MAF: variants seen among roughly 807,000 people sequenced by gnomAD.
MAF encodes transcription factor Maf.
In MAF, 10 loss-of-function variants were observed where a neutral mutation model predicts 22.0. That is an observed-to-expected ratio of 0.45 (90% confidence interval 0.28 to 0.77). MAF has a LOEUF of 0.77. Among genes scored for constraint, MAF ranks in the 30% least tolerant of loss-of-function variants. MAF has a pLI of 0.12. For synonymous variants in MAF, 337 were observed against 255.8 expected, an observed-to-expected ratio of 1.32 and a Z score of -3.03; for missense variants, 544 against 548.4, an observed-to-expected ratio of 0.99 and a Z score of 0.08.
the MAF span, among the ~76,000 whole-genome samples, chr16:79,402,044 A>T: frequency 1.3e-5 from 2 of 152,214 alleles, no homozygotes; most frequent in Admixed American, 6.5e-5. Context: ...GTGGCTAGAA[A>T]CATGGACTGT....
At chr16:79,236,492 G>A in the MAF span, among the ~76,000 whole-genome samples, 2 of 152,122 alleles carry the variant, frequency 1.3e-5, no homozygotes, top group African/African-American at 4.8e-5. Flanking sequence ...TGGCTGTGCT[G>A]TTTGGCTTTG....
At chr16:79,307,893 AGGAAGCAGTTCCTCTAC>A in the MAF span, among the ~76,000 whole-genome samples, 8 of 152,376 alleles carry the variant, frequency 5.3e-5, no homozygotes, top group African/African-American at 1.4e-4. Context: ...AACAGGCCCC[AGGAAGCAGTTCCTCTAC>A]AACCTACCCT....
chr16:79,568,936 G>A, the MAF span, among the ~76,000 whole-genome samples: 1 of 152,198 alleles, frequency 6.6e-6, no homozygotes, highest in Non-Finnish European at 1.5e-5. Context: ...CCATTTTACA[G>A]ATGAGAAGAA....
chr16:79,595,833 C>A lies in MAF; in HGVS notation c.1119-1280G>T, dbSNP rs1913486776. 13 of 1,057,950 alleles carry A rather than the reference C, an allele frequency of 1.2e-5. No homozygotes were observed. The South Asian group carries it at 5.5e-4, about 45-fold the overall frequency. 65.5% of individuals were successfully genotyped at this position (1,057,950 alleles called of 1,614,324 possible). On this transcript the variant is annotated intron_variant, in intron 1 of 1. Coordinates refer to ENST00000326043, the MANE Select transcript of MAF (RefSeq NM_005360.5). ...TTCACGGTGAAATATGATTTGATAA[C>A]ATAGTTTAAACCAGATATGTACTTG...
the MAF span, among the ~76,000 whole-genome samples, chr16:79,362,341 G>A: frequency 3.3e-5 from 5 of 152,050 alleles, no homozygotes; most frequent in South Asian, 2.1e-4. Context: ...TATTGCTCTC[G>A]CTGACACACA....
At chr16:79,300,211 T>C in the MAF span, among the ~76,000 whole-genome samples, 1 of 152,206 alleles carries the variant, frequency 6.6e-6, no homozygotes, top group Non-Finnish European at 1.5e-5. Context: ...AAATTAAAAA[T>C]AGACAACATT....
the MAF span, among the ~76,000 whole-genome samples, chr16:79,326,860 G>A: frequency 1.3e-5 from 2 of 152,348 alleles, no homozygotes; most frequent in Non-Finnish European, 2.9e-5. Flanking sequence ...GAGACACAGG[G>A]TAGTATCTGG....
the MAF span, among the ~76,000 whole-genome samples, chr16:79,316,679 G>C: frequency 6.6e-6 from 1 of 152,112 alleles, no homozygotes; most frequent in Non-Finnish European, 1.5e-5. Flanking sequence ...AAATGTTACT[G>C]GGGGAAGGAT....
the MAF span, among the ~76,000 whole-genome samples, chr16:79,302,324 G>A: frequency 2.0e-5 from 3 of 152,170 alleles, no homozygotes; most frequent in African/African-American, 7.2e-5. Flanking sequence ...AATGAGCAAT[G>A]AATGCTCTGT....
At chr16:79,352,737 C>T in the MAF span, among the ~76,000 whole-genome samples, 1 of 152,240 alleles carries the variant, frequency 6.6e-6, no homozygotes, top group East Asian at 1.9e-4. Context: ...GCATTTGGAG[C>T]CACATAATCC....
At chr16:79,258,895 G>A in the MAF span, among the ~76,000 whole-genome samples, 1 of 152,150 alleles carries the variant, frequency 6.6e-6, no homozygotes, top group Non-Finnish European at 1.5e-5. Context: ...GTGCGACTAG[G>A]GGAGGGAGGG....
chr16:79,221,523 T>C, the MAF span, among the ~76,000 whole-genome samples: 1 of 152,196 alleles, frequency 6.6e-6, no homozygotes, highest in Non-Finnish European at 1.5e-5. Context: ...CAAATATTAA[T>C]AGTAAAAACC....
At chr16:79,526,402 C>A in the MAF span, among the ~76,000 whole-genome samples, 1 of 152,232 alleles carries the variant, frequency 6.6e-6, no homozygotes, top group Middle Eastern at 3.4e-3. Flanking sequence ...AGAGCTCTGG[C>A]GGTAATGGGA....
At chr16:79,233,891 C>A in the MAF span, among the ~76,000 whole-genome samples, 6 of 151,180 alleles carry the variant, frequency 4.0e-5, no homozygotes, top group Non-Finnish European at 8.8e-5. Flanking sequence ...ACTCAGGAGG[C>A]TGAGGCAGAA....
chr16:79,542,989 G>T, the MAF span, among the ~76,000 whole-genome samples: 3 of 152,198 alleles, frequency 2.0e-5, no homozygotes, highest in Non-Finnish European at 4.4e-5. Context: ...GCACACGTGT[G>T]TGTATGTGCA....
At chr16:79,452,460 T>G in the MAF span, among the ~76,000 whole-genome samples, 4 of 152,226 alleles carry the variant, frequency 2.6e-5, no homozygotes, top group Non-Finnish European at 5.9e-5. Flanking sequence ...AATTTATAAC[T>G]GGCATTTCCA....
At chr16:79,561,884 A>C in the MAF span, among the ~76,000 whole-genome samples, 9 of 152,172 alleles carry the variant, frequency 5.9e-5, no homozygotes, top group African/African-American at 2.2e-4. Context: ...TATACAGAAA[A>C]TATTTGTTGA....
the MAF span, among the ~76,000 whole-genome samples, chr16:79,281,318 TGAAA>T: frequency 6.6e-6 from 1 of 151,286 alleles, no homozygotes; most frequent in African/African-American, 2.4e-5. Flanking sequence ...TCGTGAAAGA[TGAAA>T]GAAAGCCTCT....
chr16:79,205,108 T>G, the MAF span: 1 of 152,236 alleles, frequency 6.6e-6, no homozygotes, highest in South Asian at 2.1e-4. Flanking sequence ...AGGTTCTCTC[T>G]GAACAGAAGC....
Sources: allele counts gnomAD v4.1 joint callset (sites outside exome capture counted in the v4.1 genomes callset), GRCh38; gene constraint gnomAD v4.1.1; transcripts MANE v1.5; gene names NCBI Gene and HGNC (gene_info 2026-07-23, HGNC 2026-07-21).